The following MAN2C1 variants were observed in gnomAD, a reference collection of about 807,000 sequenced individuals.
MAN2C1 encodes the protein alpha-mannosidase 2C1.
MAN2C1 carries 111 observed loss-of-function variants against 126.9 expected under a neutral mutation model. That is an observed-to-expected ratio of 0.87 (90% CI 0.75 to 1.02). The LOEUF (loss-of-function observed/expected upper bound fraction) is 1.02. Among genes scored for constraint, MAN2C1 ranks in the 50% least tolerant of loss-of-function variants. The probability of loss-of-function intolerance (pLI) is 0.00; values close to 1 mark genes in which losing one functional copy is unlikely to be tolerated. For synonymous variants in MAN2C1, 567 were observed against 561.5 expected, an observed-to-expected ratio of 1.01 and a Z score of -0.14; for missense variants, 1,363 against 1,364.4, an observed-to-expected ratio of 1.00 and a Z score of 0.02.
At chr15:75,366,416 G>A in intron 4 of MAN2C1, 106 bp downstream of exon 4, 1 of 862,518 alleles carries the variant, frequency 1.2e-6, no homozygotes, top group Non-Finnish European at 1.9e-6. Flanking sequence ...GGATGATTGT[G>A]CTAGAGCAGA....
In MAN2C1 at chr15:75,359,939, G is replaced by C. The variant is rs1414418232; in HGVS notation, c.1756C>G (p.Gln586Glu). 2 of 1,613,476 alleles carry C rather than the reference G, an allele frequency of 1.2e-6. No homozygotes were observed. The highest frequency in any genetic ancestry group is 1.1e-5 in the South Asian group (1 of 91,002). ...CACATGGCTTCCTCTGCCACCATCT[G>C]GATGCAGCTTCCAGTCACCACATCA... is the stretch of plus-strand genomic sequence containing the variant. Reference protein sequence around the residue: ...FHDVVTGSCIQMVAEEAMCHY... With the variant: ...FHDVVTGSCIEMVAEEAMCHY... Residue 586 changes from glutamine to glutamate, a missense_variant, in exon 15 of 26, where the codon CAG becomes GAG. Physicochemically the swap from Gln to Glu is conservative, Grantham distance 29. Around this residue, in one of 3 missense-constraint regions of MAN2C1, gnomAD observed 668 missense variants for 650.1 expected, o/e 1.03. Transcript: ENST00000267978.
At position 75,359,148 on chromosome 15, in the gene MAN2C1, A is replaced by G; in HGVS notation, c.2052T>C (p.Asp684=). Residue 684 remains aspartate (D), a synonymous_variant, in exon 18 of 26, where the codon GAT becomes GAC. Transcript: ENST00000267978. ...TGCCATTGTCCAGAGTCACGGAGCC[A>G]TCAGTCTTTGTGGGAGGAGGCCTTG... The part of the protein sequence containing the change: ...QQPVFVVQET[D]GSVTLDNGII... 1 of 1,613,948 alleles carries G rather than the reference A, an allele frequency of 6.2e-7. No individual in the cohort carries two copies. The highest frequency in any genetic ancestry group is 1.7e-5 in the Admixed American group (1 of 60,030).
Position 75,362,453 on chromosome 15 carries a change from C to A in MAN2C1, c.898G>T (p.Ala300Ser). 6.2e-7 allele frequency: 1 copy of A among 1,606,244 alleles called. No individual in the cohort carries two copies. The highest frequency in any genetic ancestry group is 8.5e-7 in the Non-Finnish European group (1 of 1,176,672). ...CTCTTCACCCATTCCAGCTGCTGCGCCTGTGGGCAGGTTGAAGGGAGCTGG... is the reference window on the plus strand; with the variant it reads ...CTCTTCACCCATTCCAGCTGCTGCGACTGTGGGCAGGTTGAAGGGAGCTGG... ...NPEFIFACSQ[A>S]QQLEWVKSRY... The change falls in exon 8 of 26, where the codon GCG becomes TCG. Residue 300 changes from alanine to serine, a missense_variant and splice_region_variant. Ala to Ser is a moderately conservative substitution (Grantham distance 99, BLOSUM62 1). Coordinates refer to ENST00000267978, the MANE Select transcript of MAN2C1 (RefSeq NM_006715.4). The surrounding 1 kb of genome is among the most constrained non-coding windows in gnomAD (Gnocchi z 4.5).
rs772564724 is a variant in MAN2C1 at position 75,362,337 on chromosome 15, A to C, written c.1008+6T>G. On this transcript the variant is annotated splice_donor_region_variant and intron_variant, in intron 8 of 25. Coordinates refer to ENST00000267978, the MANE Select transcript of MAN2C1 (RefSeq NM_006715.4). This position sits in a 1 kb window ranked among gnomAD's most constrained non-coding sequence, Gnocchi z 4.5. Reference sequence around the variant, plus strand: ...TTCAAGGCTGAGGAGTGCCCAGTGCACTTACCATCTCCACCCAGGTGCCCC... The same window carrying C: ...TTCAAGGCTGAGGAGTGCCCAGTGCCCTTACCATCTCCACCCAGGTGCCCC... 54 of 1,612,610 alleles carry C rather than the reference A, an allele frequency of 3.3e-5. No homozygotes were observed. The highest frequency in any genetic ancestry group is 4.5e-5 in the Non-Finnish European group (53 of 1,179,038).
In MAN2C1 at chr15:75,355,833, C is replaced by T. The variant is rs1406471412; in HGVS notation, c.*73G>A. On this transcript the variant is annotated 3_prime_UTR_variant, in exon 26 of 26. Transcript: ENST00000267978. ...TTATTCCACAAGAAAAGACTGATCC[C>T]TGCTTTAGGCTGGGGAAGCAGAAAT... The T allele has an allele frequency of 6.3e-7, 1 of 1,575,470 alleles. No homozygotes were observed. The highest frequency in any genetic ancestry group is 1.1e-5 in the South Asian group (1 of 88,698).
Position 75,356,296 on chromosome 15 carries a change from C to T in MAN2C1, c.2886+5G>A. The T allele has an allele frequency of 6.2e-7, 1 of 1,611,116 alleles. No individual in the cohort carries two copies. The highest frequency in any genetic ancestry group is 8.5e-7 in the Non-Finnish European group (1 of 1,179,062). On this transcript the variant is annotated splice_donor_5th_base_variant and intron_variant, in intron 24 of 25. Coordinates refer to ENST00000267978, the MANE Select transcript of MAN2C1 (RefSeq NM_006715.4). The surrounding 1 kb of genome is among the most constrained non-coding windows in gnomAD (Gnocchi z 5.8). ...ACCCCGTCCCCAGCACGTCCCACCC[C>T]TTGCCTGCTTGACGGTCTCCAATAC...
chr15:75,360,297 G>A, intron 13 of MAN2C1, 86 bp from the exon 14 acceptor site: 1 of 1,558,560 alleles, frequency 6.4e-7, no homozygotes, highest in Middle Eastern at 1.7e-4. Context: ...CAGAATCCCT[G>A]AGGACTCACC....
chr15:75,366,896 A>G (rs2072586927), intron 3 of MAN2C1, among the ~76,000 whole-genome samples: 1 of 152,162 alleles, frequency 6.6e-6, no homozygotes, highest in African/African-American at 2.4e-5. Context: ...GCACCCCTAA[A>G]TAAATACCGG....
chr15:75,358,790 G>A lies in MAN2C1; in HGVS notation c.2160C>T (p.Gly720=), dbSNP rs770899942. ...ATAGCACAAACTGGTTCCCCACGGC[G>A]CCCTCAGCAATGGCCTCCCTGGAAG... ...VASGREAIAE[G]AVGNQFVLFD... is the part of the protein sequence containing the mutation. The change falls in exon 19 of 26, where the codon GGC becomes GGT. Residue 720 remains glycine (G), a synonymous_variant. Transcript: ENST00000267978. 4.5e-5 allele frequency: 72 copies of A among 1,612,404 alleles called. No individual in the cohort carries two copies. The highest frequency in any genetic ancestry group is 5.4e-5 in the Non-Finnish European group (64 of 1,179,390).
Position 75,364,183 on chromosome 15 carries a change from G to T in MAN2C1, c.606C>A (p.Leu202=), listed in dbSNP as rs775177389. 1 of 1,609,544 alleles carries T rather than the reference G, an allele frequency of 6.2e-7. No homozygotes were observed. The highest frequency in any genetic ancestry group is 1.1e-5 in the South Asian group (1 of 90,906). ...LELLLGIAKG[L]GKDNQRSFQA... ...GGAAGCTGCGCTGGTTGTCCTTCCC[G>T]AGGCCCTGCAGCAGGGTTCTGCCCC... The change falls in exon 6 of 26, where the codon CTC becomes CTA. Residue 202 remains leucine, a synonymous_variant. Coordinates refer to ENST00000267978, the MANE Select transcript of MAN2C1 (RefSeq NM_006715.4).
Position 75,359,045 on chromosome 15 carries a change from T to C in MAN2C1, c.2141+14A>G. 7 of 1,613,324 alleles carry C rather than the reference T, an allele frequency of 4.3e-6. No homozygotes were observed. Among genetic ancestry groups the C allele is most frequent in the Non-Finnish European group, 5.9e-6 (7 of 1,179,752 alleles). ...CTTGCCAGGCACTGGGAAAGGGCAA[T>C]GAGGATTTGGCACCTGCCAGAGGCC... On this transcript the variant is annotated intron_variant, in intron 18 of 25. Transcript: ENST00000267978.
At chr15:75,360,961 G>T in intron 12 of MAN2C1, 85 bp downstream of exon 12, 1 of 1,487,534 alleles carries the variant, frequency 6.7e-7, no homozygotes, top group Non-Finnish European at 9.1e-7. Flanking sequence ...TCCAGAGGAG[G>T]GGTTGGGCCC....
rs1374864224 is a variant in MAN2C1 at position 75,364,167 on chromosome 15, G to A, written c.622C>T (p.Arg208Cys). ...GCTGTGTACAGGGCCTGGAAGCTGC[G>A]CTGGTTGTCCTTCCCGAGGCCCTGC... ...IAKGLGKDNQ[R>C]SFQALYTANQ... Residue 208 changes from arginine (R) to cysteine (C), a missense_variant, in exon 6 of 26, where the codon CGC becomes TGC. By Grantham distance (180) the Arg-to-Cys change is radical (BLOSUM62 -3). Coordinates refer to ENST00000267978, the MANE Select transcript of MAN2C1 (RefSeq NM_006715.4). 5.0e-6 allele frequency: 8 copies of A among 1,610,960 alleles called. No homozygotes were observed. Among genetic ancestry groups the A allele is most frequent in the Admixed American group, 1.7e-5 (1 of 58,652 alleles).
At chr15:75,364,818 T>C (rs2072543959) in intron 4 of MAN2C1, among the ~76,000 whole-genome samples, 153 bp from the exon 5 acceptor site, 2 of 152,194 alleles carry the variant, frequency 1.3e-5, no homozygotes, top group Non-Finnish European at 2.9e-5. Flanking sequence ...CAAGAGTGCA[T>C]GTGGGAGGGT....
In MAN2C1 at chr15:75,359,721, G is replaced by A. The variant is rs1443724635; in HGVS notation, c.1847C>T (p.Ala616Val). 1.9e-6 allele frequency: 3 copies of A among 1,614,094 alleles called. No homozygotes were observed. The highest frequency in any genetic ancestry group is 2.2e-5 in the East Asian group (1 of 44,888). Residue 616 changes from alanine to valine, a missense_variant, in exon 16 of 26, where the codon GCT (alanine) becomes GTT (valine). Physicochemically the swap from Ala to Val is moderately conservative, Grantham distance 64 (BLOSUM62 0). This residue lies in a region of MAN2C1 where 668 missense variants were observed against 650.1 expected (regional missense o/e 1.03). Transcript: ENST00000267978. ...LLSAAAAALCAGEPGPEGLLI... is the reference protein window; with the variant it reads ...LLSAAAAALCVGEPGPEGLLI... ...GAGGCCCTCAGGACCTGGCTCCCCA[G>A]CACACAGGGCTGCGGCTGCAGCGCT...
At position 75,361,709 on chromosome 15, in the gene MAN2C1, C is replaced by T. The variant is rs371242592; in HGVS notation, c.1113G>A (p.Pro371=). The T allele has an allele frequency of 1.5e-5, 24 of 1,613,726 alleles. No homozygotes were observed. Among genetic ancestry groups the T allele is most frequent in the Admixed American group, 5.0e-5 (3 of 60,010 alleles). The change falls in exon 10 of 26, where the codon CCG becomes CCA. Residue 371 remains proline, a synonymous_variant. Transcript: ENST00000267978. The surrounding 1 kb of genome is among the most constrained non-coding windows in gnomAD (Gnocchi z 5.0). ...FGKMCSEFWL[P]DTFGYSAQLP... ...GCTGTGCTGAGTAGCCAAAGGTGTCCGGCAGCCAGAACTGTGGAGAAAGAG... is the reference window on the plus strand; with the variant it reads ...GCTGTGCTGAGTAGCCAAAGGTGTCTGGCAGCCAGAACTGTGGAGAAAGAG...
rs376985685 is a variant in MAN2C1 at position 75,364,198 on chromosome 15, G to C, written c.601-10C>G. 5.0e-6 allele frequency: 8 copies of C among 1,601,644 alleles called. No individual in the cohort carries two copies. Among genetic ancestry groups the C allele is most frequent in the Non-Finnish European group, 6.8e-6 (8 of 1,175,796 alleles). Reference sequence around the variant, plus strand: ...TGTCCTTCCCGAGGCCCTGCAGCAGGGTTCTGCCCCTTAATCCCTTTTTCA... The same window carrying C: ...TGTCCTTCCCGAGGCCCTGCAGCAGCGTTCTGCCCCTTAATCCCTTTTTCA... On this transcript the variant is annotated splice_polypyrimidine_tract_variant and intron_variant, in intron 5 of 25. Transcript: ENST00000267978.
Position 75,358,479 on chromosome 15 carries a change from C to A in MAN2C1, c.2386G>T (p.Val796Phe), listed in dbSNP as rs752962235. ...EVVLDVGCPY[V>F]RFHTEVHWHE... ...CCGACTACCTCGGTGTGGAAGCGGACATAGGGGCAGCCAACGTCCAGCACA... is the reference window on the plus strand; with the variant it reads ...CCGACTACCTCGGTGTGGAAGCGGAAATAGGGGCAGCCAACGTCCAGCACA... Residue 796 changes from valine to phenylalanine, a missense_variant, in exon 20 of 26, where the codon GTC becomes TTC. This residue lies in a region of MAN2C1 where 668 missense variants were observed against 650.1 expected (regional missense o/e 1.03). Coordinates refer to ENST00000267978, the MANE Select transcript of MAN2C1 (RefSeq NM_006715.4). 2 of 1,613,452 alleles carry A rather than the reference C, an allele frequency of 1.2e-6. No homozygotes were observed. Among genetic ancestry groups the A allele is most frequent in the African/African-American group, 2.7e-5 (2 of 74,940 alleles).
rs764151757 is a variant in MAN2C1, at chr15:75,360,687, C to T, written c.1462G>A (p.Val488Met). 1.2e-5 allele frequency: 19 copies of T among 1,613,244 alleles called. No individual in the cohort carries two copies. The highest frequency in any genetic ancestry group is 2.5e-6 in the Non-Finnish European group (3 of 1,179,916). The change falls in exon 13 of 26, where the codon GTG (valine) becomes ATG (methionine). Residue 488 changes from valine (V) to methionine (M), a missense_variant and splice_region_variant. Transcript: ENST00000267978. ...AGCTGTCTTGGAGAAGATAGCTGCACCCTGAGGAGACCACAAGCCTAGGTC... is the reference window on the plus strand; with the variant it reads ...AGCTGTCTTGGAGAAGATAGCTGCATCCTGAGGAGACCACAAGCCTAGGTC... ...RLSNTDGLPRVQLSSPRQLFS... is the reference protein window; with the variant it reads ...RLSNTDGLPRMQLSSPRQLFS...
Sources: gnomAD v4.1 joint callset for allele counts (sites outside exome capture counted in the v4.1 genomes callset) on GRCh38, gnomAD v4.1.1 for gene constraint, gnomAD v4.1.1 regional missense constraint, Gnocchi (gnomAD v3.1) non-coding constraint, MANE v1.5 for transcripts, NCBI Gene and HGNC (gene_info 2026-07-23, HGNC 2026-07-21) for gene names.